Variants in CCDC85A observed in about 807,000 individuals in gnomAD.
CCDC85A encodes the protein coiled-coil domain containing 85A.
CCDC85A carries 38 observed loss-of-function variants against 50.2 expected under a neutral mutation model. That is an observed-to-expected ratio of 0.76 (90% CI 0.58 to 0.99). The LOEUF is 0.99. Ranked by LOEUF, CCDC85A falls within the 50% of genes least tolerant of loss-of-function variation. CCDC85A has a pLI of 0.00. For synonymous variants in CCDC85A, 366 were observed against 301.4 expected (o/e 1.21, Z -2.22); for missense variants, 820 against 742.0 (o/e 1.11, Z -1.22).
rs117191794 is a variant in CCDC85A at position 56,362,353 on chromosome 2, G to A, written c.1318-9991G>A. Reference sequence around the variant, plus strand: ...GACATCAACAAGGAGATGTCACATAGTGTTGGATGTGTACATGTCAAACTC... The same window carrying A: ...GACATCAACAAGGAGATGTCACATAATGTTGGATGTGTACATGTCAAACTC... On this transcript the variant is annotated intron_variant, in intron 3 of 5. Coordinates refer to ENST00000407595, the MANE Select transcript of CCDC85A (RefSeq NM_001080433.2). Among the ~76,000 whole-genome samples, 32 of 152,232 alleles carry A rather than the reference G, an allele frequency of 2.1e-4. 2 individuals carry two copies. In the East Asian group the frequency reaches 6.0e-3, roughly 29 times the overall value.
At chr2:56,216,451 A>G (rs1677396850) in intron 2 of CCDC85A, among the ~76,000 whole-genome samples, 1 of 151,768 alleles carries the variant, frequency 6.6e-6, no homozygotes, top group Non-Finnish European at 1.5e-5. Flanking sequence ...CTAGTATTTC[A>G]TTTAAGTTTT....
chr2:56,212,432 C>A (rs956337755), intron 2 of CCDC85A, among the ~76,000 whole-genome samples: 1 of 151,876 alleles, frequency 6.6e-6, no homozygotes, highest in Non-Finnish European at 1.5e-5. Flanking sequence ...TGTCGAATGG[C>A]AGTGTTCAGA....
intron 2 of CCDC85A, among the ~76,000 whole-genome samples, chr2:56,198,591 G>A (rs1676617412): frequency 6.6e-6 from 1 of 152,114 alleles, no homozygotes. Context: ...GACATAGAAA[G>A]CTTAATATTG....
intron 4 of CCDC85A, 69 bp from the exon 5 acceptor site, chr2:56,375,747 A>T: frequency 6.6e-7 from 1 of 1,504,542 alleles, no homozygotes; most frequent in Non-Finnish European, 9.1e-7. Context: ...GAAATTGAAT[A>T]TTGAATGACA....
intron 2 of CCDC85A, among the ~76,000 whole-genome samples, chr2:56,280,237 A>G (rs1418733460): frequency 1.3e-5 from 2 of 152,192 alleles, no homozygotes; most frequent in Non-Finnish European, 2.9e-5. Flanking sequence ...CCAGCTGGGC[A>G]AAGGCCCTTC....
chr2:56,275,397 G>T (rs953462654), intron 2 of CCDC85A, among the ~76,000 whole-genome samples: 2 of 152,128 alleles, frequency 1.3e-5, no homozygotes, highest in African/African-American at 4.8e-5. Context: ...AGTTAGAATT[G>T]TTTCACTATG....
intron 1 of CCDC85A, among the ~76,000 whole-genome samples, chr2:56,189,432 C>T (rs965647683): frequency 5.9e-5 from 9 of 151,794 alleles, no homozygotes; most frequent in African/African-American, 1.5e-4. Flanking sequence ...CCTGGGATTA[C>T]AGGCACGTGT....
At chr2:56,185,506 A>G (rs978976295) in intron 1 of CCDC85A, among the ~76,000 whole-genome samples, 1 of 152,150 alleles carries the variant, frequency 6.6e-6, no homozygotes, top group Non-Finnish European at 1.5e-5. Context: ...GGAGTTTGGA[A>G]GGCATCCCCT....
chr2:56,188,892 A>C lies in CCDC85A; in HGVS notation c.277-3585A>C, dbSNP rs61234059. On this transcript the variant is annotated intron_variant, in intron 1 of 5. Coordinates refer to ENST00000407595, the MANE Select transcript of CCDC85A (RefSeq NM_001080433.2). ...CCATGCCAGATATGTTGCATATTCAAAGAAAGACTTTTGGAATAGACCCTG... is the reference window on the plus strand; with the variant it reads ...CCATGCCAGATATGTTGCATATTCACAGAAAGACTTTTGGAATAGACCCTG... 1.6e-3 allele frequency among the ~76,000 whole-genome samples: 251 copies of C among 152,348 alleles called. 1 individual carries two copies. Among genetic ancestry groups the C allele is most frequent in the African/African-American group, 5.8e-3 (240 of 41,586 alleles).
intron 3 of CCDC85A, among the ~76,000 whole-genome samples, chr2:56,349,487 A>G (rs1376488681): frequency 6.6e-6 from 1 of 152,212 alleles, no homozygotes; most frequent in South Asian, 2.1e-4. Flanking sequence ...AAAATTTGTC[A>G]GAGAAAATGT....
intron 2 of CCDC85A, among the ~76,000 whole-genome samples, chr2:56,211,696 C>T (rs1413126418): frequency 6.6e-6 from 1 of 152,014 alleles, no homozygotes; most frequent in Non-Finnish European, 1.5e-5. Context: ...TATCCATCAT[C>T]CTAGAATGTC....
chr2:56,268,390 C>T (rs778520604), intron 2 of CCDC85A, among the ~76,000 whole-genome samples: 3 of 151,954 alleles, frequency 2.0e-5, no homozygotes, highest in African/African-American at 4.8e-5. Context: ...GTCAGGAGAT[C>T]GAGACCATTG....
chr2:56,290,643 T>C (rs926222714), intron 2 of CCDC85A, among the ~76,000 whole-genome samples: 1 of 152,226 alleles, frequency 6.6e-6, no homozygotes, highest in African/African-American at 2.4e-5. Flanking sequence ...AAACCCCTGG[T>C]CTATAGATAA....
intron 3 of CCDC85A, among the ~76,000 whole-genome samples, chr2:56,371,069 A>G (rs1216021232): frequency 6.6e-6 from 1 of 152,142 alleles, no homozygotes; most frequent in Non-Finnish European, 1.5e-5. Context: ...CAAATTAGAC[A>G]CTACACATGG....
intron 2 of CCDC85A, among the ~76,000 whole-genome samples, chr2:56,321,813 A>C (rs1272994459): frequency 6.6e-6 from 1 of 152,204 alleles, no homozygotes; most frequent in Non-Finnish European, 1.5e-5. Context: ...ATATGGAACC[A>C]AAAAAGAGCC....
rs566870423 is a variant in CCDC85A, at chr2:56,334,072, T to C, written c.1241-8807T>C. Among the ~76,000 whole-genome samples, 3 of 152,356 alleles carry C rather than the reference T, an allele frequency of 2.0e-5. No homozygotes were observed. In the South Asian group the frequency reaches 6.2e-4, roughly 32 times the overall value. On this transcript the variant is annotated intron_variant, in intron 2 of 5. Coordinates refer to ENST00000407595, the MANE Select transcript of CCDC85A (RefSeq NM_001080433.2). Reference sequence around the variant, plus strand: ...ATGCAGATCTTAGTTCTCTGAGAGCTCTTCCCTGACACTGCTTCCTGAAGT... The same window carrying C: ...ATGCAGATCTTAGTTCTCTGAGAGCCCTTCCCTGACACTGCTTCCTGAAGT...
chr2:56,229,516 T>TA (rs1668688881), intron 2 of CCDC85A, among the ~76,000 whole-genome samples: 1 of 152,102 alleles, frequency 6.6e-6, no homozygotes, highest in South Asian at 2.1e-4. Context: ...TTGGTACTGG[T>TA]AGCAAGCCTG....
chr2:56,335,393 G>C (rs141274368), intron 2 of CCDC85A, among the ~76,000 whole-genome samples: 2 of 152,210 alleles, frequency 1.3e-5, no homozygotes, highest in Non-Finnish European at 2.9e-5. Flanking sequence ...GTGGCTATTG[G>C]CCTCTTTTGC....
At chr2:56,370,957 G>A (rs1676041825) in intron 3 of CCDC85A, among the ~76,000 whole-genome samples, 1 of 151,964 alleles carries the variant, frequency 6.6e-6, no homozygotes, top group African/African-American at 2.4e-5. Flanking sequence ...ACTCATTAAT[G>A]ATCATCTCAG....
Sources: allele counts gnomAD v4.1 joint callset (sites outside exome capture counted in the v4.1 genomes callset), GRCh38; gene constraint gnomAD v4.1.1; transcripts MANE v1.5; gene names NCBI Gene and HGNC (gene_info 2026-07-23, HGNC 2026-07-21).